BBS2: variants seen among roughly 807,000 people sequenced by gnomAD.
The protein encoded by BBS2 is Bardet-Biedl syndrome 2, also known as BBSome complex member BBS2.
Under a neutral mutation model 83.0 loss-of-function variants are expected in BBS2, and 62 were observed. That is an observed-to-expected ratio of 0.75 (90% confidence interval 0.61 to 0.92). BBS2 has a LOEUF of 0.92. BBS2 is among the 40% of genes least tolerant of loss of function. The pLI is 0.00. For missense variants in BBS2, 784 were observed against 901.0 expected (o/e 0.87, Z 1.66); for synonymous variants, 303 against 326.1 (o/e 0.93, Z 0.76).
intron 17 of BBS2, chr16:56,478,939 G>GTGAT (rs1421275596): frequency 6.6e-6 from 1 of 152,214 alleles, no homozygotes; most frequent in African/African-American, 2.4e-5. Flanking sequence ...TAGATACACA[G>GTGAT]TGATAGTGAA....
At chr16:56,519,711 T>C (rs1440818145) in intron 1 of BBS2, 35 bp downstream of exon 1, 2 of 1,553,784 alleles carry the variant, frequency 1.3e-6, no homozygotes, top group African/African-American at 2.7e-5. Context: ...TGTGGTTCCC[T>C]GGGGCCCGGG....
chr16:56,481,321 G>A (rs989287523), downstream of BBS2, among the ~76,000 whole-genome samples: 2 of 151,990 alleles, frequency 1.3e-5, no homozygotes, highest in African/African-American at 2.4e-5. Context: ...CGAGGGTGAC[G>A]CTGGTTAAGA....
chr16:56,483,111 T>C (rs555262113), downstream of BBS2, among the ~76,000 whole-genome samples: 336 of 152,330 alleles, frequency 2.2e-3, no homozygotes, highest in African/African-American at 8.0e-3. Context: ...ACCTAGGCTA[T>C]ACAGTATAGC....
chr16:56,497,593 C>G, intron 14 of BBS2, 150 bp downstream of exon 14: 1 of 990,272 alleles, frequency 1.0e-6, no homozygotes, highest in Admixed American at 1.9e-5. Flanking sequence ...AAGTAGTAAA[C>G]TCTCCAATAC....
intron 2 of BBS2, among the ~76,000 whole-genome samples, chr16:56,514,055 G>A (rs568952963): frequency 6.6e-6 from 1 of 152,220 alleles, no homozygotes; most frequent in East Asian, 1.9e-4. Context: ...AATATGAATT[G>A]CTTGGGTATT....
intron 15 of BBS2, among the ~76,000 whole-genome samples, chr16:56,489,114 G>A (rs569456051): frequency 2.4e-4 from 36 of 151,978 alleles, no homozygotes; most frequent in African/African-American, 8.7e-4. Context: ...CGAGGCAAGA[G>A]GATGGCTTAA....
chr16:56,515,735 A>G (rs891420481), intron 1 of BBS2, among the ~76,000 whole-genome samples: 15 of 152,374 alleles, frequency 9.8e-5, no homozygotes, highest in Admixed American at 9.8e-4. Flanking sequence ...GAAAACGTGC[A>G]GCCACTGAAC....
At chr16:56,513,300 A>G (rs557816268) in intron 2 of BBS2, among the ~76,000 whole-genome samples, 1 of 152,360 alleles carries the variant, frequency 6.6e-6, no homozygotes, top group African/African-American at 2.4e-5. Flanking sequence ...GTTCAACAAC[A>G]TGGAACGGTT....
At chr16:56,482,583 C>T (rs188187782), downstream of BBS2, among the ~76,000 whole-genome samples, 1 of 152,246 alleles carries the variant, frequency 6.6e-6, no homozygotes, top group East Asian at 1.9e-4. Context: ...ATAATTAGGA[C>T]TCCATAAGGC....
rs752825833 is a variant in BBS2, at chr16:56,506,104, G to T, written c.717+16C>A. 20 of 1,611,176 alleles carry T rather than the reference G, an allele frequency of 1.2e-5. No homozygotes were observed. The highest frequency in any genetic ancestry group is 1.0e-4 in the Admixed American group (6 of 59,976). ...ACTATCAAGCGCCTGAATATCAAAG[G>T]CTAAATTATACTAACTTTAATTCTC... On this transcript the variant is annotated intron_variant, in intron 6 of 16. Transcript: ENST00000245157.
In BBS2 at chr16:56,510,047, TATC is replaced by T. The variant is rs758981617; in HGVS notation, c.535-16_535-14del. 11 of 1,613,340 alleles carry T rather than the reference TATC, an allele frequency of 6.8e-6. No individual in the cohort carries two copies. Among genetic ancestry groups the T allele is most frequent in the South Asian group, 1.1e-5 (1 of 91,060 alleles). On this transcript the variant is annotated splice_polypyrimidine_tract_variant and intron_variant, in intron 4 of 16. Coordinates refer to ENST00000245157, the MANE Select transcript of BBS2 (RefSeq NM_031885.5). ...ATCCAACAAGAAGCTGAAGGGGAAA[TATC>T]ATACATGTTCAGGTGAGTAAGTGCA...
At chr16:56,501,921 A>G (rs1597016201) in intron 9 of BBS2, 2 of 360,396 alleles carry the variant, frequency 5.5e-6, no homozygotes, top group East Asian at 6.9e-5. Context: ...GAAAAAGATA[A>G]AAGACATTCT....
chr16:56,489,814 A>AAGT (rs1203540258), intron 15 of BBS2, among the ~76,000 whole-genome samples: 22 of 151,898 alleles, frequency 1.4e-4, no homozygotes, highest in African/African-American at 4.6e-4. Flanking sequence ...GAAAAAAAAA[A>AAGT]AGTAGTAGTA....
chr16:56,486,327 G>A (rs1202458614), intron 15 of BBS2, among the ~76,000 whole-genome samples: 1 of 152,150 alleles, frequency 6.6e-6, no homozygotes, highest in African/African-American at 2.4e-5. Context: ...AACACACAAT[G>A]TATGACCCAG....
At position 56,509,933 on chromosome 16, in the gene BBS2, A is replaced by G. The variant is rs770953242; in HGVS notation, c.612+24T>C. On this transcript the variant is annotated intron_variant, in intron 5 of 16. Transcript: ENST00000245157. Reference sequence around the variant, plus strand: ...CTGATCTATCTTGCTCAAGGTTACCATAGTTCGAGGTGGAGCTTCTTACCT... The same window carrying G: ...CTGATCTATCTTGCTCAAGGTTACCGTAGTTCGAGGTGGAGCTTCTTACCT... The G allele has an allele frequency of 2.5e-6, 4 of 1,611,978 alleles. No individual in the cohort carries two copies. In the African/African-American group the frequency reaches 4.0e-5, roughly 16 times the overall value.
chr16:56,484,664 G>A lies in BBS2; in HGVS notation c.*97C>T. ...CTCACCAAGGTTATTTTCATTCTTA[G>A]CACCCGGGGTTCACCAGGGTGTGAT... On this transcript the variant is annotated 3_prime_UTR_variant, in exon 17 of 17. Coordinates refer to ENST00000245157, the MANE Select transcript of BBS2 (RefSeq NM_031885.5). The A allele has an allele frequency of 1.1e-6, 1 of 939,706 alleles. No individual in the cohort carries two copies. Among genetic ancestry groups the A allele is most frequent in the Non-Finnish European group, 1.7e-6 (1 of 586,244 alleles). The allele number at this position is 939,706 out of a possible 1,614,324, so 58.2% of individuals were successfully genotyped here.
rs754067097 is a variant in BBS2 at position 56,485,590 on chromosome 16, C to A, written c.2059G>T (p.Val687Phe). 1 of 1,614,054 alleles carries A rather than the reference C, an allele frequency of 6.2e-7. No homozygotes were observed. Among genetic ancestry groups the A allele is most frequent in the South Asian group, 1.1e-5 (1 of 91,070 alleles). ...TGCAGTGTTATGAAAAGAGACTTACCCCGCAGACGACCTGCTCTTTGAATT... is the reference window on the plus strand; with the variant it reads ...TGCAGTGTTATGAAAAGAGACTTACACCGCAGACGACCTGCTCTTTGAATT... ...QAIQRAGRLR[V>F]GKPKNQVITA... is the part of the protein sequence containing the mutation. Residue 687 changes from valine (V) to phenylalanine (F), a missense_variant and splice_region_variant, in exon 16 of 17, where the codon GTT becomes TTT. Physicochemically the swap from Val to Phe is conservative, Grantham distance 50. Coordinates refer to ENST00000245157, the MANE Select transcript of BBS2 (RefSeq NM_031885.5).
At chr16:56,517,820 G>C (rs1172799260) in intron 1 of BBS2, among the ~76,000 whole-genome samples, 1 of 146,660 alleles carries the variant, frequency 6.8e-6, no homozygotes. Context: ...ATTTGTCAGT[G>C]CTTTTTTTTT....
intron 9 of BBS2, 140 bp downstream of exon 9, chr16:56,502,177 A>G (rs188238432): frequency 1.7e-4 from 188 of 1,113,238 alleles, no homozygotes; most frequent in Non-Finnish European, 2.5e-5. Flanking sequence ...ACGAAAGCAT[A>G]TATCCCCTCT....
Sources: gnomAD v4.1 joint callset for allele counts (sites outside exome capture counted in the v4.1 genomes callset) on GRCh38, gnomAD v4.1.1 for gene constraint, MANE v1.5 for transcripts, NCBI Gene and HGNC (gene_info 2026-07-23, HGNC 2026-07-21) for gene names.